Variants in DMBT1 observed in about 807,000 individuals in gnomAD.
The protein encoded by DMBT1 is scavenger receptor cysteine-rich domain-containing protein DMBT1.
Under a neutral mutation model 252.9 loss-of-function variants are expected in DMBT1, and 198 were observed. The observed-to-expected ratio is 0.78, with a 90% CI of 0.70 to 0.88. DMBT1 has a LOEUF of 0.88. Among genes scored for constraint, DMBT1 ranks in the 40% least tolerant of loss-of-function variants. DMBT1 has a pLI of 0.00. For missense variants in DMBT1, 2,432 were observed against 2,404.7 expected (o/e 1.01, Z -0.24); for synonymous variants, 990 against 942.7 (o/e 1.05, Z -0.92).
At chr10:122,627,833 G>A (rs1047701436) in intron 46 of DMBT1, among the ~76,000 whole-genome samples, 1 of 152,148 alleles carries the variant, frequency 6.6e-6, no homozygotes, top group Non-Finnish European at 1.5e-5. Context: ...AGTGACTCTT[G>A]TAGTCAATGA....
intron 46 of DMBT1, among the ~76,000 whole-genome samples, chr10:122,629,511 T>A (rs537638640): frequency 6.6e-6 from 1 of 152,352 alleles, no homozygotes; most frequent in African/African-American, 2.4e-5. Context: ...CACGTCCCTG[T>A]CTGTAGCTGA....
rs1446610436 is a variant in DMBT1 at position 122,630,342 on chromosome 10, A to T, written c.5877A>T (p.Ser1959=). Residue 1959 remains serine (S), a synonymous_variant, in exon 48 of 56, where the codon TCA becomes TCT. Transcript: ENST00000338354. ...ATTATGTTGAAATCTTTGATGGATC[A>T]TTGAATAGCAGTCTCCTGCTGGGGA... ...SFDYVEIFDG[S]LNSSLLLGKI... is the part of the protein sequence containing the mutation. 1.2e-6 allele frequency: 2 copies of T among 1,614,060 alleles called. No homozygotes were observed. The highest frequency in any genetic ancestry group is 1.1e-5 in the South Asian group (1 of 91,082).
Position 122,580,030 on chromosome 10 carries a change from T to A in DMBT1, c.1003+129T>A, listed in dbSNP as rs915364645. 8.6e-6 allele frequency: 13 copies of A among 1,506,164 alleles called. No individual in the cohort carries two copies. The Admixed American group carries it at 2.6e-4, about 30-fold the overall frequency. 93.3% of individuals were successfully genotyped at this position (1,506,164 alleles called of 1,614,324 possible). ...TATGTTTCTGAAGACTTGTCAGCTCTCTGCTAAGAATCCATATGTACTCAC... is the reference window on the plus strand; with the variant it reads ...TATGTTTCTGAAGACTTGTCAGCTCACTGCTAAGAATCCATATGTACTCAC... On this transcript the variant is annotated intron_variant, in intron 10 of 55. Coordinates refer to ENST00000338354, the MANE Select transcript of DMBT1 (RefSeq NM_001377530.1).
chr10:122,632,586 G>A (rs1035720010), intron 50 of DMBT1, among the ~76,000 whole-genome samples: 1 of 152,044 alleles, frequency 6.6e-6, no homozygotes, highest in Non-Finnish European at 1.5e-5. Flanking sequence ...CCTAATTACT[G>A]CCCTTTTTTC....
chr10:122,585,898 C>CTGG, intron 15 of DMBT1, among the ~76,000 whole-genome samples, 162 bp from the exon 16 acceptor site: 1 of 148,948 alleles, frequency 6.7e-6, no homozygotes, highest in Non-Finnish European at 1.5e-5. Flanking sequence ...AGAACTGCTT[C>CTGG]TTTGACTTTG....
intron 17 of DMBT1, among the ~76,000 whole-genome samples, chr10:122,590,119 G>A (rs2097836822): frequency 6.7e-6 from 1 of 148,666 alleles, no homozygotes; most frequent in Non-Finnish European, 1.5e-5. Context: ...CTGAGGCCCA[G>A]TAAGGAGGCA....
Position 122,621,170 on chromosome 10 carries a change from A to G in DMBT1, c.5398A>G (p.Thr1800Ala), listed in dbSNP as rs2133639510. 6.2e-7 allele frequency: 1 copy of G among 1,613,886 alleles called. No individual in the cohort carries two copies. The highest frequency in any genetic ancestry group is 1.1e-5 in the South Asian group (1 of 91,078). Residue 1800 changes from threonine to alanine, a missense_variant, in exon 44 of 56, where the codon ACC (threonine) becomes GCC (alanine). Transcript: ENST00000338354. The stretch of plus-strand genomic sequence containing the variant: ...AACCGTGTGTGATGACAGCTGGGAC[A>G]CCAATGATGCCAATGTGGTCTGCAG... ...WGTVCDDSWD[T>A]NDANVVCRQL...
chr10:122,641,115 C>T (rs2742221), intron 55 of DMBT1, among the ~76,000 whole-genome samples: 78,215 of 151,984 alleles, frequency 0.51, 22,629 homozygotes, highest in African/African-American at 0.79. Flanking sequence ...TGGGAGTCCA[C>T]GGGTTCCAGT....
Position 122,572,238 on chromosome 10 carries a change from A to G in DMBT1, c.188-76A>G. 3 of 1,587,676 alleles carry G rather than the reference A, an allele frequency of 1.9e-6. No individual in the cohort carries two copies. In the South Asian group the frequency reaches 3.3e-5, roughly 18 times the overall value. Reference sequence around the variant, plus strand: ...CCTGTGTTTCCAGCCCTTGCTTCAGACCTGAGGAAGCCATGGACCAACCCT... The same window carrying G: ...CCTGTGTTTCCAGCCCTTGCTTCAGGCCTGAGGAAGCCATGGACCAACCCT... On this transcript the variant is annotated intron_variant, in intron 4 of 55. Transcript: ENST00000338354.
chr10:122,626,845 C>CT (rs2098122422), intron 46 of DMBT1, among the ~76,000 whole-genome samples: 1 of 152,082 alleles, frequency 6.6e-6, no homozygotes, highest in Admixed American at 6.5e-5. Context: ...GGGGAAGTTC[C>CT]TTATGGAAGT....
intron 54 of DMBT1, among the ~76,000 whole-genome samples, chr10:122,638,293 A>ATTCACACTCG (rs757937454): frequency 0.018 from 2,513 of 137,466 alleles, 22 homozygotes; most frequent in Non-Finnish European, 0.026. Flanking sequence ...CTTCACACCC[A>ATTCACACTCG]TTCACACCCA....
At position 122,643,125 on chromosome 10, in the gene DMBT1, C is replaced by T. The variant is rs368667205; in HGVS notation, c.7356C>T (p.Cys2452=). 6 of 1,613,426 alleles carry T rather than the reference C, an allele frequency of 3.7e-6. No homozygotes were observed. Among genetic ancestry groups the T allele is most frequent in the African/African-American group, 1.3e-5 (1 of 74,992 alleles). Residue 2452 remains cysteine, a synonymous_variant, in exon 56 of 56, where the codon TGC becomes TGT. Coordinates refer to ENST00000338354, the MANE Select transcript of DMBT1 (RefSeq NM_001377530.1). The part of the protein sequence containing the change: ...SLTYDLIRSG[C]VRDDTYGPYS... ...AGGGGCTACTGTTCTCTTCCAGATGCGTGAGGGATGACACCTACGGACCCT... is the reference window on the plus strand; with the variant it reads ...AGGGGCTACTGTTCTCTTCCAGATGTGTGAGGGATGACACCTACGGACCCT...
chr10:122,637,100 G>C (rs778287293), intron 53 of DMBT1, 28 bp from the exon 54 acceptor site: 5 of 1,605,610 alleles, frequency 3.1e-6, no homozygotes, highest in East Asian at 2.2e-5. Flanking sequence ...GGCAGTGACT[G>C]AGTGCCTTAT....
chr10:122,592,590 G>T lies in DMBT1; in HGVS notation c.2495G>T (p.Cys832Phe). The change falls in exon 20 of 56, where the codon TGC (cysteine) becomes TTC (phenylalanine). Residue 832 changes from cysteine to phenylalanine, a missense_variant. Transcript: ENST00000338354. ...CGHHEDAGVI[C>F]SVSQSRPTPS... ...CATCATGAAGATGCTGGTGTCATCTGCTCAGGTGGGCCTCCAAGACCTTGG... is the reference window on the plus strand; with the variant it reads ...CATCATGAAGATGCTGGTGTCATCTTCTCAGGTGGGCCTCCAAGACCTTGG... 6.3e-7 allele frequency: 1 copy of T among 1,588,474 alleles called. No homozygotes were observed. The highest frequency in any genetic ancestry group is 8.6e-7 in the Non-Finnish European group (1 of 1,165,648).
intron 27 of DMBT1, among the ~76,000 whole-genome samples, chr10:122,600,675 A>G (rs2097942842): frequency 6.6e-6 from 1 of 152,200 alleles, no homozygotes; most frequent in South Asian, 2.1e-4. Flanking sequence ...CCAGTGTCCG[A>G]GCCTCAGCAA....
Position 122,586,090 on chromosome 10 carries a change from T to C in DMBT1, c.1490T>C (p.Val497Ala). Residue 497 changes from valine (V) to alanine (A), a missense_variant, in exon 16 of 56, where the codon GTG (valine) becomes GCG (alanine). Val to Ala is a moderately conservative substitution (Grantham distance 64, BLOSUM62 0). Coordinates refer to ENST00000338354, the MANE Select transcript of DMBT1 (RefSeq NM_001377530.1). ...GAATCCAGTTTGGCCCTGAGGCTGG[T>C]GAATGGAGGTGACAGGTGTCAGGGC... ...GSESSLALRLVNGGDRCQGRV... is the reference protein window; with the variant it reads ...GSESSLALRLANGGDRCQGRV... The C allele has an allele frequency of 6.3e-7, 1 of 1,588,740 alleles. No individual in the cohort carries two copies. The highest frequency in any genetic ancestry group is 2.3e-5 in the East Asian group (1 of 42,756).
chr10:122,580,275 A>G lies in DMBT1; in HGVS notation c.1003+374A>G, dbSNP rs562335807. Among the ~76,000 whole-genome samples, 3 of 152,314 alleles carry G rather than the reference A, an allele frequency of 2.0e-5. No individual in the cohort carries two copies. The East Asian group carries it at 5.8e-4, about 29-fold the overall frequency. On this transcript the variant is annotated intron_variant, in intron 10 of 55. Transcript: ENST00000338354. ...ATCCCCTCACTGCGAGGAACTCTGA[A>G]CTAAAGATGCTTGGCTAAAAGTGGG...
At position 122,570,947 on chromosome 10, in the gene DMBT1, A is replaced by G. The variant is rs766883790; in HGVS notation, c.187+10A>G. On this transcript the variant is annotated intron_variant, in intron 4 of 55. Coordinates refer to ENST00000338354, the MANE Select transcript of DMBT1 (RefSeq NM_001377530.1). ...TCAACTGTAGCAGAAGGTAACGTCTACTATGGGGGATCCCTGTGGGCTCAT... is the reference window on the plus strand; with the variant it reads ...TCAACTGTAGCAGAAGGTAACGTCTGCTATGGGGGATCCCTGTGGGCTCAT... 4.3e-6 allele frequency: 7 copies of G among 1,612,328 alleles called. No homozygotes were observed. The highest frequency in any genetic ancestry group is 5.9e-6 in the Non-Finnish European group (7 of 1,178,504).
intron 4 of DMBT1, 59 bp downstream of exon 4, chr10:122,570,996 A>G: frequency 1.9e-6 from 3 of 1,576,152 alleles, no homozygotes; most frequent in Non-Finnish European, 2.6e-6. Flanking sequence ...CCCTAGGTTC[A>G]TCTCTGATTC....
Sources: allele counts gnomAD v4.1 joint callset (sites outside exome capture counted in the v4.1 genomes callset), GRCh38; gene constraint gnomAD v4.1.1; transcripts MANE v1.5; gene names NCBI Gene and HGNC (gene_info 2026-07-23, HGNC 2026-07-21).